The following GPM6B variants were observed in gnomAD, a reference collection of about 807,000 sequenced individuals.
The protein encoded by GPM6B is glycoprotein M6B.
In GPM6B, 4 loss-of-function variants were observed where a neutral mutation model predicts 27.2. The observed-to-expected ratio is 0.15, with a 90% CI of 0.07 to 0.34. The LOEUF (loss-of-function observed/expected upper bound fraction) is 0.34, where lower values mean the gene tolerates loss of function less well. Among genes scored for constraint, GPM6B ranks in the 10% least tolerant of loss-of-function variants. The pLI, the probability that GPM6B is intolerant of heterozygous loss-of-function variation, is 1.00. For missense variants in GPM6B, 183 were observed against 261.9 expected (o/e 0.70, Z 2.08); for synonymous variants, 124 against 103.1 (o/e 1.20, Z -1.23).
intron 1 of GPM6B, among the ~76,000 whole-genome samples, chrX:13,872,461 T>C (rs2049989268): frequency 9.0e-6 from 1 of 110,945 alleles, no homozygotes; most frequent in African/African-American, 3.3e-5. Context: ...TGAGCCACCA[T>C]GCCAAGCCTA....
chrX:13,894,377 A>T (rs1254701167), intron 1 of GPM6B, among the ~76,000 whole-genome samples: 1 of 112,272 alleles, frequency 8.9e-6, no homozygotes, highest in Non-Finnish European at 1.9e-5. Flanking sequence ...AAATCTGGAC[A>T]TAATACTGTG....
chrX:13,825,686 A>C (rs981010562), intron 1 of GPM6B, among the ~76,000 whole-genome samples: 1 of 112,822 alleles, frequency 8.9e-6, no homozygotes, highest in African/African-American at 3.2e-5. Context: ...TGGGAGGTGA[A>C]GAAGAGGAAG....
intron 1 of GPM6B, among the ~76,000 whole-genome samples, chrX:13,935,396 G>T (rs1921787977): frequency 1.0e-5 from 1 of 100,318 alleles, no homozygotes; most frequent in Non-Finnish European, 1.9e-5. Flanking sequence ...CATGCCTGTA[G>T]TCCCAGCTAC....
chrX:13,780,699 A>C (rs1393448517), intron 4 of GPM6B, among the ~76,000 whole-genome samples: 2 of 112,425 alleles, frequency 1.8e-5, no homozygotes, highest in Admixed American at 9.4e-5. Flanking sequence ...ACACACTGTC[A>C]TGGGCAATCC....
chrX:13,858,795 C>CA (rs1317487202), intron 1 of GPM6B, among the ~76,000 whole-genome samples: 10 of 111,987 alleles, frequency 8.9e-5, no homozygotes, highest in Non-Finnish European at 1.7e-4. Flanking sequence ...ACCTGCGACA[C>CA]ATATCCTCAA....
upstream of GPM6B, among the ~76,000 whole-genome samples, chrX:13,818,168 T>C (rs1000986471): frequency 6.2e-5 from 7 of 112,477 alleles, no homozygotes; most frequent in Admixed American, 3.8e-4. Context: ...TTCTGCACCA[T>C]TTTTTATGCA....
chrX:13,879,210 C>T (rs1243644300), intron 1 of GPM6B, among the ~76,000 whole-genome samples: 1 of 112,041 alleles, frequency 8.9e-6, no homozygotes, highest in Non-Finnish European at 1.9e-5. Flanking sequence ...AGTAGATATA[C>T]CTTTTATGAT....
chrX:13,920,693 C>T (rs1920961660), intron 1 of GPM6B, among the ~76,000 whole-genome samples: 1 of 110,848 alleles, frequency 9.0e-6, no homozygotes, highest in Non-Finnish European at 1.9e-5. Context: ...AGATAGAGAC[C>T]ATCCTGGCTA....
At chrX:13,851,163 CAAA>C (rs10652819) in intron 1 of GPM6B, among the ~76,000 whole-genome samples, 3 of 60,211 alleles carry the variant, frequency 5.0e-5, no homozygotes, top group Non-Finnish European at 5.9e-5. Flanking sequence ...ACTCCATCTC[CAAA>C]AAAAAAAAAA....
At chrX:13,888,727 T>C (rs2050161379) in intron 1 of GPM6B, among the ~76,000 whole-genome samples, 1 of 111,295 alleles carries the variant, frequency 9.0e-6, no homozygotes, top group African/African-American at 3.3e-5. Context: ...AGAAATGAAG[T>C]AGAAAAAAAA....
intron 1 of GPM6B, among the ~76,000 whole-genome samples, chrX:13,854,332 G>C (rs899732887): frequency 8.9e-6 from 1 of 112,071 alleles, no homozygotes; most frequent in Non-Finnish European, 1.9e-5. Flanking sequence ...AAGGATCTGA[G>C]GATGGTGCTG....
intron 2 of GPM6B, among the ~76,000 whole-genome samples, chrX:13,792,589 A>G (rs1323838161): frequency 6.3e-5 from 7 of 111,888 alleles, no homozygotes; most frequent in African/African-American, 2.3e-4. Context: ...CCAAAATGCC[A>G]ATAGTGCTAT....
At chrX:13,790,489 C>T (rs2048693561) in intron 2 of GPM6B, among the ~76,000 whole-genome samples, 1 of 111,717 alleles carries the variant, frequency 9.0e-6, no homozygotes, top group African/African-American at 3.3e-5. Context: ...GATTTGTGTG[C>T]ACATGAAAAT....
rs1041507463 is a variant in GPM6B, at chrX:13,875,071, C to G, written c.-198+63256G>C. Among the ~76,000 whole-genome samples the G allele has an allele frequency of 4.6e-5, 5 of 109,562 alleles. No homozygotes were observed. In the South Asian group the frequency reaches 2.0e-3, roughly 44 times the overall value. On this transcript the variant is annotated intron_variant, in intron 1 of 6. Coordinates refer to the GPM6B transcript ENST00000398361. ...ACCTGACCTTGATGAGCAATAAAAT[C>G]AAAACCTATTTCTGTAATTTCCAGC...
At chrX:13,830,318 G>A (rs754208025) in intron 1 of GPM6B, among the ~76,000 whole-genome samples, 1 of 112,074 alleles carries the variant, frequency 8.9e-6, no homozygotes, top group Non-Finnish European at 1.9e-5. Context: ...CAGAAAGAAG[G>A]TACTGGAGTT....
intron 1 of GPM6B, among the ~76,000 whole-genome samples, chrX:13,915,729 TG>T (rs1333877643): frequency 8.9e-6 from 1 of 112,973 alleles, no homozygotes; most frequent in Non-Finnish European, 1.9e-5. Context: ...TGTATATATG[TG>T]TACAATGGTT....
upstream of GPM6B, chrX:13,938,548 G>A: frequency 1.1e-6 from 1 of 886,854 alleles, no homozygotes; most frequent in Non-Finnish European, 1.4e-6. Context: ...GCTGCGGGGC[G>A]TTCGGGCTCC....
chrX:13,821,585 A>T (rs1471076948), upstream of GPM6B, among the ~76,000 whole-genome samples: 3 of 112,281 alleles, frequency 2.7e-5, no homozygotes, highest in African/African-American at 9.7e-5. Flanking sequence ...GCCAGAAATC[A>T]AATCACTTTT....
intron 2 of GPM6B, among the ~76,000 whole-genome samples, chrX:13,796,403 A>C (rs1223178526): frequency 8.9e-6 from 1 of 112,340 alleles, no homozygotes; most frequent in Non-Finnish European, 1.9e-5. Flanking sequence ...AAATATTTAT[A>C]GGCACAACTC....
Sources: gnomAD v4.1 joint callset for allele counts (sites outside exome capture counted in the v4.1 genomes callset) on GRCh38, gnomAD v4.1.1 for gene constraint, MANE v1.5 for transcripts, NCBI Gene and HGNC (gene_info 2026-07-23, HGNC 2026-07-21) for gene names.